ESYT2: variants seen among roughly 807,000 people sequenced by gnomAD.
The protein encoded by ESYT2 is extended synaptotagmin 2.
A neutral mutation model predicts 107.2 loss-of-function variants in ESYT2; 54 were observed. The observed-to-expected ratio is 0.50, with a 90% confidence interval of 0.40 to 0.63. ESYT2 has a LOEUF of 0.63. Ranked by LOEUF, ESYT2 falls within the 30% of genes least tolerant of loss-of-function variation. The probability of loss-of-function intolerance (pLI) is 0.00; values close to 1 mark genes in which losing one functional copy is unlikely to be tolerated. For missense variants in ESYT2, 1,020 were observed against 1,094.5 expected, an observed-to-expected ratio of 0.93 and a Z score of 0.96; for synonymous variants, 491 against 434.1, an observed-to-expected ratio of 1.13 and a Z score of -1.63.
chr7:158,734,553 C>G, intron 21 of ESYT2, 82 bp from the exon 22 acceptor site: 1 of 1,284,360 alleles, frequency 7.8e-7, no homozygotes, highest in Non-Finnish European at 1.1e-6. Context: ...CTTTGGGAGG[C>G]CAAGATGGGA....
At chr7:158,805,894 A>C (rs1011521437) in intron 1 of ESYT2, among the ~76,000 whole-genome samples, 1 of 152,232 alleles carries the variant, frequency 6.6e-6, no homozygotes, top group Non-Finnish European at 1.5e-5. Context: ...TGTCTACCAG[A>C]GCTATGGCAA....
At chr7:158,783,798 C>T (rs1256740315) in intron 6 of ESYT2, among the ~76,000 whole-genome samples, 1 of 152,186 alleles carries the variant, frequency 6.6e-6, no homozygotes, top group African/African-American at 2.4e-5. Flanking sequence ...AAAGACGACC[C>T]CAGGGAGGAC....
At chr7:158,749,230 C>T (rs1837507285) in intron 15 of ESYT2, among the ~76,000 whole-genome samples, 1 of 152,132 alleles carries the variant, frequency 6.6e-6, no homozygotes. Context: ...CCTCAGCCTC[C>T]CGAGTAGCTG....
intron 1 of ESYT2, among the ~76,000 whole-genome samples, chr7:158,826,030 A>C (rs1380899404): frequency 1.3e-5 from 2 of 149,496 alleles, no homozygotes; most frequent in Non-Finnish European, 2.9e-5. Flanking sequence ...AGAAAAAAAA[A>C]AAAACAAAAA....
chr7:158,799,118 G>C, intron 1 of ESYT2, 46 bp from the exon 2 acceptor site: 1 of 1,545,178 alleles, frequency 6.5e-7, no homozygotes, highest in Non-Finnish European at 8.9e-7. Context: ...CCCAACAACT[G>C]TAAATAAAAT....
Position 158,755,116 on chromosome 7 carries a change from T to C in ESYT2, c.1420-2273A>G, listed in dbSNP as rs536458426. ...TCCAGCCTACGAAAAATTCCTATTG[T>C]CCTAAGTTTGCAGATGGGGATCGCT... On this transcript the variant is annotated intron_variant, in intron 13 of 22. Transcript: ENST00000275418. Among the ~76,000 whole-genome samples the C allele has an allele frequency of 7.2e-5, 11 of 152,294 alleles. No homozygotes were observed. The South Asian group carries it at 2.1e-3, about 29-fold the overall frequency.
At chr7:158,747,233 A>G (rs1042105050) in intron 16 of ESYT2, among the ~76,000 whole-genome samples, 3 of 148,480 alleles carry the variant, frequency 2.0e-5, no homozygotes, top group Non-Finnish European at 3.0e-5. Flanking sequence ...CTGTAATCCC[A>G]GCTCTCAGGA....
rs564557099 is a variant in ESYT2, at chr7:158,747,084, G to A, written c.1644+1110C>T. On this transcript the variant is annotated intron_variant, in intron 16 of 22. Transcript: ENST00000275418. ...AAAGAGGCGGGGTGCGTTGGCTCAC[G>A]CCTGTAATCCCAGCACGTTGGGAGG... 1.4e-4 allele frequency among the ~76,000 whole-genome samples: 21 copies of A among 151,170 alleles called. No homozygotes were observed. The East Asian group carries it at 3.6e-3, about 26-fold the overall frequency.
chr7:158,825,057 C>A (rs1480527205), intron 1 of ESYT2, among the ~76,000 whole-genome samples: 1 of 152,198 alleles, frequency 6.6e-6, no homozygotes, highest in Non-Finnish European at 1.5e-5. Flanking sequence ...CTTTGGGAGG[C>A]CAAGGCTGGT....
At chr7:158,801,170 G>A (rs1395850029) in intron 1 of ESYT2, among the ~76,000 whole-genome samples, 2 of 152,214 alleles carry the variant, frequency 1.3e-5, no homozygotes, top group Non-Finnish European at 2.9e-5. Context: ...TGCCTGTAGT[G>A]CCCCATTCTA....
rs544599267 is a variant in ESYT2 at position 158,815,133 on chromosome 7, G to A, written c.330+13956C>T. Among the ~76,000 whole-genome samples, 65 of 152,314 alleles carry A rather than the reference G, an allele frequency of 4.3e-4. 2 individuals carry two copies. The highest frequency in any genetic ancestry group is 3.3e-3 in the Admixed American group (51 of 15,308). ...GCAATGAGTGCTAAGCACATTCACC[G>A]TTTGTTTTCTCACGGGTTTTCTGTT... On this transcript the variant is annotated intron_variant, in intron 1 of 22. Transcript: ENST00000275418.
chr7:158,748,151 A>G (rs1837466384), intron 16 of ESYT2, 43 bp downstream of exon 16: 3 of 1,577,604 alleles, frequency 1.9e-6, no homozygotes, highest in African/African-American at 1.3e-5. Context: ...TTAAAAAGTC[A>G]ATTATTTGTC....
In ESYT2 at chr7:158,797,841, G is replaced by A. The variant is rs575430600; in HGVS notation, c.507+101C>T. On this transcript the variant is annotated intron_variant, in intron 3 of 22. Transcript: ENST00000275418. ...TGCACTCCAGCCTGGGCAACAGAGC[G>A]AGACTCCGTCTCAAGAAAAAAAAAA... The A allele has an allele frequency of 8.6e-5, 125 of 1,460,828 alleles. No homozygotes were observed. In the African/African-American group the frequency reaches 1.5e-3, roughly 17 times the overall value. The allele number at this position is 1,460,828 out of a possible 1,614,324, so 90.5% of individuals were successfully genotyped here.
chr7:158,734,348 G>T (rs558075922), intron 22 of ESYT2, 74 bp downstream of exon 22: 3 of 1,610,528 alleles, frequency 1.9e-6, no homozygotes, highest in East Asian at 2.2e-5. Context: ...GTCTGTGGGG[G>T]ACACTACCCA....
chr7:158,804,124 TCGAGAAGGGTGAGGCGCGC>T (rs1839734732), intron 1 of ESYT2, among the ~76,000 whole-genome samples: 1 of 18,634 alleles, frequency 5.4e-5, no homozygotes, highest in African/African-American at 4.2e-4. Context: ...ACCCAAACCG[TCGAGAAGGGTGAGGCGCGC>T]GACAAACCCA....
At chr7:158,820,866 G>A (rs1840268895) in intron 1 of ESYT2, among the ~76,000 whole-genome samples, 1 of 152,224 alleles carries the variant, frequency 6.6e-6, no homozygotes, top group African/African-American at 2.4e-5. Flanking sequence ...CAGATTTGCT[G>A]TGTTATTGCC....
In ESYT2 at chr7:158,780,922, G is replaced by C. The variant is rs75309195; in HGVS notation, c.747+7082C>G. Among the ~76,000 whole-genome samples the C allele has an allele frequency of 2.2e-4, 34 of 152,336 alleles. 1 individual carries two copies. Among genetic ancestry groups the C allele is most frequent in the South Asian group, 1.9e-3 (9 of 4,832 alleles). Reference sequence around the variant, plus strand: ...AAGTGGAAAGAGAGAAAGGAAACACGTGTGTATGAGTGAGAATGTGTGTGA... The same window carrying C: ...AAGTGGAAAGAGAGAAAGGAAACACCTGTGTATGAGTGAGAATGTGTGTGA... On this transcript the variant is annotated intron_variant, in intron 6 of 22. Transcript: ENST00000275418.
intron 6 of ESYT2, among the ~76,000 whole-genome samples, chr7:158,774,781 G>C (rs766615395): frequency 6.6e-6 from 1 of 152,200 alleles, no homozygotes; most frequent in Non-Finnish European, 1.5e-5. Flanking sequence ...TCTTGCATTT[G>C]ACTCAGGTTA....
Position 158,763,053 on chromosome 7 carries a change from C to T in ESYT2, c.1184+30G>A. The T allele has an allele frequency of 1.3e-6, 2 of 1,553,424 alleles. 1 individual carries two copies. The highest frequency in any genetic ancestry group is 3.4e-4 in the Middle Eastern group (2 of 5,896). ...AACAAAAAGACTGACCCCATGCCCT[C>T]CTCCAATAACCACAATGGGCTTTAT... On this transcript the variant is annotated intron_variant, in intron 10 of 22. Coordinates refer to ENST00000275418, the MANE Select transcript of ESYT2 (RefSeq NM_001367773.1).
Sources: allele counts gnomAD v4.1 joint callset (sites outside exome capture counted in the v4.1 genomes callset), GRCh38; gene constraint gnomAD v4.1.1; transcripts MANE v1.5; gene names NCBI Gene and HGNC (gene_info 2026-07-23, HGNC 2026-07-21).